Variants in PCSK6 observed in about 807,000 individuals in gnomAD.
PCSK6 encodes the protein paired basic amino acid cleaving enzyme 4.
Under a neutral mutation model 123.3 loss-of-function variants are expected in PCSK6, and 85 were observed. The observed-to-expected ratio is 0.69, with a 90% CI of 0.58 to 0.83. The LOEUF (loss-of-function observed/expected upper bound fraction) is 0.83, where lower values mean the gene tolerates loss of function less well. PCSK6 is among the 40% of genes least tolerant of loss of function. The probability of loss-of-function intolerance (pLI) is 0.00; values close to 1 mark genes in which losing one functional copy is unlikely to be tolerated. For synonymous variants in PCSK6, 508 were observed against 516.0 expected, an observed-to-expected ratio of 0.98 and a Z score of 0.21; for missense variants, 1,191 against 1,282.3, an observed-to-expected ratio of 0.93 and a Z score of 1.09.
intron 2 of PCSK6, among the ~76,000 whole-genome samples, chr15:101,435,079 C>A (rs2056559204): frequency 1.3e-5 from 2 of 152,154 alleles, no homozygotes; most frequent in South Asian, 4.1e-4. Context: ...GACCAAAGTG[C>A]CTCCCCCTCC....
intron 6 of PCSK6, 109 bp downstream of exon 6, chr15:101,427,783 A>T (rs2056306728): frequency 1.2e-6 from 1 of 809,982 alleles, no homozygotes; most frequent in Admixed American, 2.2e-5. Flanking sequence ...GGGTCTGCTG[A>T]CATGGCCAAA....
rs976997839 is a variant in PCSK6, at chr15:101,330,461, G to A, written c.2077+1190C>T. Among the ~76,000 whole-genome samples, 3 of 152,300 alleles carry A rather than the reference G, an allele frequency of 2.0e-5. No homozygotes were observed. The East Asian group carries it at 5.8e-4, about 29-fold the overall frequency. ...ACCTGACCTTGCATTGGACTCTAAC[G>A]TGGCTCGTCCTCCTCCTTTGGCTTC... On this transcript the variant is annotated intron_variant, in intron 15 of 21. Coordinates refer to ENST00000611716, the MANE Select transcript of PCSK6 (RefSeq NM_002570.5).
chr15:101,378,510 T>C (rs1234968904), intron 11 of PCSK6, among the ~76,000 whole-genome samples: 1 of 152,214 alleles, frequency 6.6e-6, no homozygotes, highest in East Asian at 1.9e-4. Flanking sequence ...CCCTACCCCG[T>C]GTGGGCTCCT....
chr15:101,454,976 G>A (rs34548635), intron 1 of PCSK6, among the ~76,000 whole-genome samples: 33,650 of 131,786 alleles, frequency 0.26, 4,196 homozygotes, highest in South Asian at 0.33. Context: ...ATGAATGAAT[G>A]AATGAATAAA....
chr15:101,439,093 G>A (rs2141140253), intron 2 of PCSK6, among the ~76,000 whole-genome samples: 1 of 152,364 alleles, frequency 6.6e-6, no homozygotes. Flanking sequence ...GCAGTGCAGT[G>A]GTGCAGGCAA....
At chr15:101,335,020 T>C (rs2040447157) in intron 13 of PCSK6, among the ~76,000 whole-genome samples, 1 of 152,170 alleles carries the variant, frequency 6.6e-6, no homozygotes, top group Non-Finnish European at 1.5e-5. Flanking sequence ...AGTACAGTGG[T>C]ACGATCATGG....
At chr15:101,314,978 T>G (rs1158616651) in intron 19 of PCSK6, among the ~76,000 whole-genome samples, 3 of 152,180 alleles carry the variant, frequency 2.0e-5, no homozygotes, top group African/African-American at 7.2e-5. Context: ...GGTGCCACTC[T>G]GAGTGGGGTT....
At position 101,305,482 on chromosome 15, in the gene PCSK6, T is replaced by C; in HGVS notation, c.2813-127A>G. 1 of 697,704 alleles carries C rather than the reference T, an allele frequency of 1.4e-6. No homozygotes were observed. Among genetic ancestry groups the C allele is most frequent in the Non-Finnish European group, 2.5e-6 (1 of 397,996 alleles). The allele number at this position is 697,704 out of a possible 1,614,324, so 43.2% of individuals were successfully genotyped here. The stretch of plus-strand genomic sequence containing the variant: ...CAGCACTTTGGGAGGCCGAGGTGGG[T>C]GGATCACCTGAGGTCAGGAGCTTGA... On this transcript the variant is annotated intron_variant, in intron 21 of 21. Transcript: ENST00000611716. The surrounding 1 kb of genome is among the most constrained non-coding windows in gnomAD (Gnocchi z 4.8).
At chr15:101,395,456 C>G (rs762618759) in intron 7 of PCSK6, among the ~76,000 whole-genome samples, 1 of 152,214 alleles carries the variant, frequency 6.6e-6, no homozygotes, top group Non-Finnish European at 1.5e-5. Flanking sequence ...TACTATGAGA[C>G]CAACCCATCC....
chr15:101,369,531 TC>T (rs1251887458), intron 12 of PCSK6, among the ~76,000 whole-genome samples: 3 of 152,326 alleles, frequency 2.0e-5, no homozygotes, highest in East Asian at 3.9e-4. Flanking sequence ...ACAGTGCCAG[TC>T]CTGGTTTTTG....
intron 13 of PCSK6, among the ~76,000 whole-genome samples, chr15:101,338,946 C>A (rs185049647): frequency 2.0e-5 from 3 of 152,342 alleles, no homozygotes; most frequent in Non-Finnish European, 4.4e-5. Flanking sequence ...ATCTTCAATG[C>A]AGTATTTCCC....
chr15:101,412,691 T>TTTATA (rs772007096), intron 6 of PCSK6, among the ~76,000 whole-genome samples: 2,820 of 124,748 alleles, frequency 0.023, 171 homozygotes, highest in African/African-American at 0.092. Flanking sequence ...AACTGGAAAA[T>TTTATA]TATATATATA....
chr15:101,409,404 T>G (rs1421044969), intron 6 of PCSK6, among the ~76,000 whole-genome samples: 1 of 151,928 alleles, frequency 6.6e-6, no homozygotes, highest in African/African-American at 2.4e-5. Context: ...GCTAACACAG[T>G]GAAACCCCGT....
chr15:101,380,908 G>T (rs935314170), intron 11 of PCSK6, among the ~76,000 whole-genome samples: 6 of 152,120 alleles, frequency 3.9e-5, no homozygotes, highest in Non-Finnish European at 8.8e-5. Context: ...AGTAGTTATG[G>T]GAAAAACACA....
chr15:101,489,205 A>AC (rs1167204211), intron 1 of PCSK6, among the ~76,000 whole-genome samples, 169 bp downstream of exon 1: 88 of 19,298 alleles, frequency 4.6e-3, no homozygotes, highest in East Asian at 0.018. Flanking sequence ...CCCGGGCGAC[A>AC]CCCCCCCCCG....
chr15:101,434,905 G>C (rs1195203268), intron 2 of PCSK6, among the ~76,000 whole-genome samples: 1 of 152,138 alleles, frequency 6.6e-6, no homozygotes, highest in Non-Finnish European at 1.5e-5. Flanking sequence ...CCACCACAAA[G>C]AGAAAGCCAT....
chr15:101,323,758 G>C (rs1874356339), intron 17 of PCSK6, among the ~76,000 whole-genome samples: 1 of 149,830 alleles, frequency 6.7e-6, no homozygotes, highest in Admixed American at 6.7e-5. Flanking sequence ...GGGGTGTCTT[G>C]TTATTTGATG....
intron 7 of PCSK6, among the ~76,000 whole-genome samples, chr15:101,395,054 C>A (rs992038709): frequency 1.3e-5 from 2 of 152,214 alleles, no homozygotes; most frequent in Non-Finnish European, 2.9e-5. Flanking sequence ...TTTAAAGCAA[C>A]TACAATGCAA....
intron 13 of PCSK6, among the ~76,000 whole-genome samples, chr15:101,360,153 T>A (rs1486024976): frequency 6.6e-6 from 1 of 152,190 alleles, no homozygotes; most frequent in Non-Finnish European, 1.5e-5. Flanking sequence ...GACTGCTTCA[T>A]ACACTCCACT....
Sources: allele counts gnomAD v4.1 joint callset (sites outside exome capture counted in the v4.1 genomes callset), GRCh38; gene constraint gnomAD v4.1.1; non-coding constraint Gnocchi (gnomAD v3.1); transcripts MANE v1.5; gene names NCBI Gene and HGNC (gene_info 2026-07-23, HGNC 2026-07-21).